Variants in WHR1 observed in about 807,000 individuals in gnomAD.
WHR1 encodes winged helix repair factor 1.
At chr6:31,972,297 T>C in the WHR1 span, 1 of 1,613,074 alleles carries the variant, frequency 6.2e-7, no homozygotes, top group South Asian at 1.1e-5. The surrounding 1 kb of genome is among the most constrained non-coding windows in gnomAD (Gnocchi z 6.3). Flanking sequence ...CATCACCTGG[T>C]CTAGGAGGGA....
chr6:31,971,817 G>A, the WHR1 span: 1 of 1,316,584 alleles, frequency 7.6e-7, no homozygotes, highest in East Asian at 2.5e-5. This position sits in a 1 kb window ranked among gnomAD's most constrained non-coding sequence, Gnocchi z 4.5. Context: ...CGCCACCGCG[G>A]CCAAGCTCTC....
chr6:31,980,366 G>T, the WHR1 span: 1 of 1,268,230 alleles, frequency 7.9e-7, no homozygotes, highest in Admixed American at 2.5e-5. Flanking sequence ...TGTTTCTGGA[G>T]ACTTGTGTAA....
the WHR1 span, chr6:31,979,468 G>C: frequency 1.2e-6 from 2 of 1,612,834 alleles, no homozygotes; most frequent in Non-Finnish European, 1.7e-6. Flanking sequence ...GAAATTTCTA[G>C]CTTCAGTACT....
chr6:31,972,662 C>T, the WHR1 span: 1 of 1,613,562 alleles, frequency 6.2e-7, no homozygotes, highest in South Asian at 1.1e-5. The surrounding 1 kb of genome is among the most constrained non-coding windows in gnomAD (Gnocchi z 6.3). Flanking sequence ...GCAGCTGTTC[C>T]CGCGAGGCCT....
At chr6:31,980,920 G>A in the WHR1 span, 5 of 848,458 alleles carry the variant, frequency 5.9e-6, no homozygotes, top group Admixed American at 3.1e-5. Flanking sequence ...TCTGGAACCC[G>A]GGAGCACCCC....
At chr6:31,979,698 C>T in the WHR1 span, 1 of 1,108,508 alleles carries the variant, frequency 9.0e-7, no homozygotes, top group Non-Finnish European at 1.3e-6. Context: ...TAAAATGACC[C>T]AAGTTTGTAT....
chr6:31,979,463 T>C, the WHR1 span: 1 of 1,612,856 alleles, frequency 6.2e-7, no homozygotes. Flanking sequence ...GTGCAGAAAT[T>C]TCTAGCTTCA....
chr6:31,972,718 C>T, the WHR1 span: 1 of 1,613,610 alleles, frequency 6.2e-7, no homozygotes, highest in Non-Finnish European at 8.5e-7. This position sits in a 1 kb window ranked among gnomAD's most constrained non-coding sequence, Gnocchi z 6.3. Context: ...GCCAGGTGTA[C>T]AGCCTTGTGC....
At chr6:31,973,692 G>A in the WHR1 span, among the ~76,000 whole-genome samples, 8 of 152,250 alleles carry the variant, frequency 5.3e-5, no homozygotes, top group African/African-American at 7.2e-5. Context: ...AGTTAATAGG[G>A]TCAAATCCAC....
chr6:31,972,572 C>T, the WHR1 span: 3 of 1,594,256 alleles, frequency 1.9e-6, no homozygotes, highest in Non-Finnish European at 2.6e-6. This position sits in a 1 kb window ranked among gnomAD's most constrained non-coding sequence, Gnocchi z 6.3. Flanking sequence ...TTTGTTAGAA[C>T]CGCGTCCCCG....
chr6:31,980,507 C>T, the WHR1 span: 1 of 1,613,118 alleles, frequency 6.2e-7, no homozygotes, highest in Non-Finnish European at 8.5e-7. Context: ...TGGTGGCTAG[C>T]TGTGCCTGGA....
chr6:31,975,593 C>G, the WHR1 span, among the ~76,000 whole-genome samples: 1 of 151,282 alleles, frequency 6.6e-6, no homozygotes, highest in Non-Finnish European at 1.5e-5. Flanking sequence ...CTCGGCCTCC[C>G]AAAGTGCTGT....
At chr6:31,972,508 C>A in the WHR1 span, 1 of 1,606,022 alleles carries the variant, frequency 6.2e-7, no homozygotes, top group Non-Finnish European at 8.5e-7. This position sits in a 1 kb window ranked among gnomAD's most constrained non-coding sequence, Gnocchi z 6.3. Flanking sequence ...TCGGGGTGAG[C>A]CAGGTAACCA....
the WHR1 span, among the ~76,000 whole-genome samples, chr6:31,974,147 G>C: frequency 2.6e-5 from 4 of 152,042 alleles, no homozygotes; most frequent in African/African-American, 9.7e-5. Flanking sequence ...AGCCAGGCGT[G>C]GTGGTACGCG....
chr6:31,979,089 A>G, the WHR1 span: 2 of 1,363,838 alleles, frequency 1.5e-6, no homozygotes, highest in Non-Finnish European at 2.1e-6. Flanking sequence ...AACAAAAGAA[A>G]GAATTTCCCT....
the WHR1 span, chr6:31,979,137 A>G: frequency 1.3e-6 from 1 of 785,718 alleles, no homozygotes; most frequent in Non-Finnish European, 2.0e-6. Flanking sequence ...GGGCCCTGGT[A>G]AATAGTAATA....
At chr6:31,978,388 T>C in the WHR1 span, among the ~76,000 whole-genome samples, 6 of 152,190 alleles carry the variant, frequency 3.9e-5, no homozygotes, top group African/African-American at 1.4e-4. Context: ...TCCTGCTACC[T>C]CAGCCTCCCA....
chr6:31,979,303 G>T, the WHR1 span: 1 of 1,439,490 alleles, frequency 6.9e-7, no homozygotes. Context: ...GGTATGAGAG[G>T]TGGAAGGATC....
At chr6:31,979,635 T>A in the WHR1 span, 5 of 1,539,964 alleles carry the variant, frequency 3.2e-6, no homozygotes, top group Middle Eastern at 5.7e-4. Flanking sequence ...GTCCTCCTGT[T>A]TTTTTGGTGA....
Sources: allele counts gnomAD v4.1 joint callset (sites outside exome capture counted in the v4.1 genomes callset), GRCh38; gene constraint gnomAD v4.1.1; non-coding constraint Gnocchi (gnomAD v3.1); transcripts MANE v1.5; gene names NCBI Gene and HGNC (gene_info 2026-07-23, HGNC 2026-07-21).